HLCS: variants seen among roughly 807,000 people sequenced by gnomAD.
HLCS encodes the protein biotin--protein ligase.
HLCS carries 53 observed loss-of-function variants against 75.0 expected under a neutral mutation model. That is an observed-to-expected ratio of 0.71 (90% CI 0.57 to 0.89). The LOEUF is 0.89. Among genes scored for constraint, HLCS ranks in the 40% least tolerant of loss-of-function variants. The pLI is 0.00. For synonymous variants in HLCS, 431 were observed against 428.6 expected, an observed-to-expected ratio of 1.01 and a Z score of -0.07; for missense variants, 966 against 1,074.0, an observed-to-expected ratio of 0.90 and a Z score of 1.41.
At chr21:36,901,734 G>A (rs1406517873) in intron 5 of HLCS, among the ~76,000 whole-genome samples, 1 of 152,168 alleles carries the variant, frequency 6.6e-6, no homozygotes, top group Non-Finnish European at 1.5e-5. Context: ...GAGGACAGCA[G>A]TCGTACTGGA....
chr21:36,922,944 T>C (rs2066237542), intron 5 of HLCS, among the ~76,000 whole-genome samples: 2 of 152,242 alleles, frequency 1.3e-5, no homozygotes. Flanking sequence ...AGAACATTTA[T>C]CAAATGGGAT....
upstream of HLCS, among the ~76,000 whole-genome samples, chr21:36,966,825 G>A (rs918954466): frequency 2.7e-5 from 4 of 147,188 alleles, no homozygotes; most frequent in Non-Finnish European, 4.6e-5. Context: ...AGGGGCGGGG[G>A]GGGGTGAGGC....
intron 6 of HLCS, among the ~76,000 whole-genome samples, chr21:36,830,071 G>A (rs944881735): frequency 6.6e-6 from 1 of 152,160 alleles, no homozygotes; most frequent in Non-Finnish European, 1.5e-5. Flanking sequence ...AGTATGACTC[G>A]TGTCCTTGTA....
Position 36,860,335 on chromosome 21 carries a change from TCACACCCCTCCAGGAAGC to T in HLCS, c.1892+36507_1892+36524del, listed in dbSNP as rs767331434. Among the ~76,000 whole-genome samples the T allele has an allele frequency of 6.4e-3, 949 of 147,866 alleles. 10 individuals are homozygous for T. The highest frequency in any genetic ancestry group is 0.022 in the African/African-American group (907 of 40,414). The stretch of plus-strand genomic sequence containing the variant: ...CCAAAGCCATGCCCCCTCCAGGAAG[TCACACCCCTCCAGGAAGC>T]CACACCCCTCCAGGAAGCCACACCC... On this transcript the variant is annotated intron_variant, in intron 6 of 10. Transcript: ENST00000674895.
chr21:36,756,875 A>G, intron 9 of HLCS, 120 bp from the exon 10 acceptor site: 1 of 1,564,872 alleles, frequency 6.4e-7, no homozygotes, highest in East Asian at 2.3e-5. Context: ...TCCTCATTTC[A>G]GATTTCGTGT....
At chr21:36,805,398 C>T (rs1489686928) in intron 6 of HLCS, among the ~76,000 whole-genome samples, 3 of 152,174 alleles carry the variant, frequency 2.0e-5, no homozygotes, top group Non-Finnish European at 2.9e-5. Context: ...GTCCCGGGCC[C>T]GGCTCCGGGC....
intron 6 of HLCS, among the ~76,000 whole-genome samples, chr21:36,787,488 G>A (rs1231373571): frequency 6.6e-6 from 1 of 152,172 alleles, no homozygotes; most frequent in Non-Finnish European, 1.5e-5. Flanking sequence ...TCACTGCCCA[G>A]GGCCCCTAGG....
chr21:36,916,387 C>CCCT (rs2065930635), intron 5 of HLCS, among the ~76,000 whole-genome samples: 1 of 151,974 alleles, frequency 6.6e-6, no homozygotes, highest in Admixed American at 6.6e-5. Flanking sequence ...TAGGGTCTTG[C>CCCT]TTGCTCAACA....
chr21:36,793,461 CCAAA>C (rs2060934232), intron 6 of HLCS, among the ~76,000 whole-genome samples: 1 of 151,902 alleles, frequency 6.6e-6, no homozygotes, highest in Admixed American at 6.6e-5. Flanking sequence ...ACCACCATGC[CCAAA>C]TAATTTTTGT....
intron 2 of HLCS, among the ~76,000 whole-genome samples, chr21:36,946,657 G>C (rs2835542): frequency 0.56 from 84,315 of 151,860 alleles, 23,701 homozygotes; most frequent in East Asian, 0.64. Flanking sequence ...GAAACATTGC[G>C]TTTGAGGGGA....
chr21:36,974,407 T>G (rs2068882110), intron 1 of HLCS: 2 of 152,246 alleles, frequency 1.3e-5, no homozygotes, highest in South Asian at 4.1e-4. Context: ...AGCCAGCCCC[T>G]GGCCTTCCTG....
rs1569149988 is a variant in HLCS, at chr21:36,888,481, TATATATATATATA to T, written c.1892+8366_1892+8378del. Among the ~76,000 whole-genome samples, 83 of 127,336 alleles carry T rather than the reference TATATATATATATA, an allele frequency of 6.5e-4. 3 individuals carry two copies. Among genetic ancestry groups the T allele is most frequent in the African/African-American group, 1.6e-3 (51 of 32,344 alleles). 83.5% of individuals were successfully genotyped at this position (127,336 alleles called of 152,430 possible). A position where few individuals can be genotyped will look rare whatever the true frequency, so the allele number is the denominator to read the frequency against. ...ATATATATATATATATATATATATA[TATATATATATATA>T]TATTTATTTATTTATTTTATGGGAT... On this transcript the variant is annotated intron_variant, in intron 6 of 10. Coordinates refer to ENST00000674895, the MANE Select transcript of HLCS (RefSeq NM_001352514.2).
At chr21:36,809,206 C>A (rs1286176031) in intron 6 of HLCS, among the ~76,000 whole-genome samples, 1 of 148,352 alleles carries the variant, frequency 6.7e-6, no homozygotes, top group Non-Finnish European at 1.5e-5. Flanking sequence ...AGAGCGAGAC[C>A]TCAACTTAAA....
intron 6 of HLCS, among the ~76,000 whole-genome samples, chr21:36,841,107 G>A (rs1357595635): frequency 2.0e-5 from 3 of 152,036 alleles, no homozygotes; most frequent in Admixed American, 1.3e-4. Context: ...GGACTTAGGC[G>A]TGAAAAAACC....
intron 1 of HLCS, among the ~76,000 whole-genome samples, chr21:36,985,360 C>T (rs538385199): frequency 4.3e-4 from 66 of 152,352 alleles, no homozygotes; most frequent in African/African-American, 1.6e-3. Context: ...CGGCTGGGCG[C>T]GGTGGCTCAC....
At chr21:36,911,508 G>A (rs1253078313) in intron 5 of HLCS, among the ~76,000 whole-genome samples, 1 of 152,126 alleles carries the variant, frequency 6.6e-6, no homozygotes, top group Non-Finnish European at 1.5e-5. Flanking sequence ...ACTTTGGGAG[G>A]CTGAGGCGGG....
rs550428837 is a variant in HLCS, at chr21:36,767,211, G to A, written c.1960+7C>T. 1.9e-6 allele frequency: 3 copies of A among 1,613,720 alleles called. No homozygotes were observed. The highest frequency in any genetic ancestry group is 2.5e-6 in the Non-Finnish European group (3 of 1,179,624). On this transcript the variant is annotated splice_region_variant and intron_variant, in intron 7 of 10. Coordinates refer to ENST00000674895, the MANE Select transcript of HLCS (RefSeq NM_001352514.2). ...AGTAACAGCAATGATCACAAAAGAT[G>A]ACTGACCTTTGCCCTCGGTCTGCCG... is the stretch of plus-strand genomic sequence containing the variant.
At position 36,981,137 on chromosome 21, in the gene HLCS, T is replaced by G. The variant is rs950579621; in HGVS notation, c.-393+9021A>C. 3.7e-4 allele frequency among the ~76,000 whole-genome samples: 57 copies of G among 152,290 alleles called. 1 individual carries two copies. The highest frequency in any genetic ancestry group is 1.3e-3 in the African/African-American group (56 of 41,564). Reference sequence around the variant, plus strand: ...GTAAAGGTTGTACTGCTTTCCCCCTTGAGACTGCAAACCTTCAAGGGCAGG... The same window carrying G: ...GTAAAGGTTGTACTGCTTTCCCCCTGGAGACTGCAAACCTTCAAGGGCAGG... On this transcript the variant is annotated intron_variant, in intron 1 of 11. Transcript: ENST00000336648.
In HLCS at chr21:36,915,043, C is replaced by T. The variant is rs537945989; in HGVS notation, c.1620+15208G>A. On this transcript the variant is annotated intron_variant, in intron 5 of 10. Coordinates refer to ENST00000674895, the MANE Select transcript of HLCS (RefSeq NM_001352514.2). ...ATGCACACCAACGTGACCATTCACA[C>T]GTTCCCTTCCTTCTGATGCTGACAT... Among the ~76,000 whole-genome samples the T allele has an allele frequency of 6.6e-5, 10 of 152,346 alleles. No individual in the cohort carries two copies. In the East Asian group the frequency reaches 1.4e-3, roughly 21 times the overall value.
Sources: gnomAD v4.1 joint callset for allele counts (sites outside exome capture counted in the v4.1 genomes callset) on GRCh38, gnomAD v4.1.1 for gene constraint, MANE v1.5 for transcripts, NCBI Gene and HGNC (gene_info 2026-07-23, HGNC 2026-07-21) for gene names.